Variants in CDH4 observed in about 807,000 individuals in gnomAD.
CDH4 encodes the protein cadherin 4.
In CDH4, 33 loss-of-function variants were observed where a neutral mutation model predicts 86.0. The observed-to-expected ratio is 0.38, with a 90% confidence interval of 0.29 to 0.51. The LOEUF (loss-of-function observed/expected upper bound fraction) is 0.51. Among genes scored for constraint, CDH4 ranks in the 20% least tolerant of loss-of-function variants. The pLI, the probability that CDH4 is intolerant of heterozygous loss-of-function variation, is 0.86. For missense variants in CDH4, 1,114 were observed against 1,307.4 expected (o/e 0.85, Z 2.28); for synonymous variants, 555 against 549.4 (o/e 1.01, Z -0.14).
At chr20:61,302,943 G>A (rs1232201018) in intron 2 of CDH4, among the ~76,000 whole-genome samples, 1 of 152,170 alleles carries the variant, frequency 6.6e-6, no homozygotes, top group Admixed American at 6.5e-5. Context: ...TGTGAAAGAG[G>A]CCATGAGCCC....
chr20:61,700,280 C>T (rs1297114194), intron 2 of CDH4, among the ~76,000 whole-genome samples: 2 of 152,186 alleles, frequency 1.3e-5, no homozygotes, highest in Admixed American at 6.5e-5. Context: ...CGCTCAGCAT[C>T]GACAGGGAAG....
At chr20:61,778,064 A>T (rs759994711) in intron 4 of CDH4, among the ~76,000 whole-genome samples, 2 of 152,200 alleles carry the variant, frequency 1.3e-5, no homozygotes, top group South Asian at 2.1e-4. Context: ...CTACACGTTC[A>T]TGTTTGCCAC....
intron 2 of CDH4, among the ~76,000 whole-genome samples, chr20:61,574,092 A>ACCAGCTGGCC (rs1471976279): frequency 1.3e-5 from 2 of 152,058 alleles, no homozygotes; most frequent in African/African-American, 4.8e-5. Context: ...GAACCCATTC[A>ACCAGCTGGCC]CCAGCTGGCC....
rs1245045032 is a variant in CDH4, at chr20:61,663,770, C to T, written c.170-79793C>T. Among the ~76,000 whole-genome samples the T allele has an allele frequency of 1.3e-5, 2 of 152,124 alleles. No individual in the cohort carries two copies. The highest frequency in any genetic ancestry group is 2.1e-4 in the South Asian group (1 of 4,828). ...GGGGTCGGGGGAAGATCAGGAGCTC[C>T]CGGTGTCCAGGCTGCACAATGTGGG... On this transcript the variant is annotated intron_variant, in intron 2 of 15. Transcript: ENST00000614565. The surrounding 1 kb of genome is among the most constrained non-coding windows in gnomAD (Gnocchi z 5.0).
chr20:61,306,407 G>A (rs547731692), intron 2 of CDH4, among the ~76,000 whole-genome samples: 7 of 151,894 alleles, frequency 4.6e-5, no homozygotes, highest in Non-Finnish European at 7.4e-5. Flanking sequence ...GCACGATCTC[G>A]GCTCACTGCA....
At chr20:61,256,528 T>C (rs2056114064) in intron 2 of CDH4, among the ~76,000 whole-genome samples, 1 of 152,250 alleles carries the variant, frequency 6.6e-6, no homozygotes, top group African/African-American at 2.4e-5. Flanking sequence ...CAAACCGTGC[T>C]GTGCTCTTGA....
chr20:61,291,325 A>C (rs1272203020), intron 2 of CDH4, among the ~76,000 whole-genome samples: 1 of 152,240 alleles, frequency 6.6e-6, no homozygotes, highest in Non-Finnish European at 1.5e-5. Flanking sequence ...GGCGGGTCCC[A>C]TATCCGGTGA....
At chr20:61,570,860 G>A (rs777281680) in intron 2 of CDH4, 4 of 693,222 alleles carry the variant, frequency 5.8e-6, no homozygotes, top group Middle Eastern at 2.6e-4. Flanking sequence ...GTTGCGTTTG[G>A]ATGTGTAGTG....
At chr20:61,428,060 G>T (rs967909438) in intron 2 of CDH4, among the ~76,000 whole-genome samples, 1 of 152,134 alleles carries the variant, frequency 6.6e-6, no homozygotes, top group Non-Finnish European at 1.5e-5. Flanking sequence ...CTCCTAGGTC[G>T]CACCCTTTCC....
chr20:61,575,591 C>T (rs2086377325), intron 2 of CDH4, among the ~76,000 whole-genome samples: 2 of 152,252 alleles, frequency 1.3e-5, no homozygotes, highest in African/African-American at 2.4e-5. Flanking sequence ...GCTTAGCAAC[C>T]TGGCACACAC....
At chr20:61,609,113 G>A (rs530145529) in intron 2 of CDH4, among the ~76,000 whole-genome samples, 1 of 152,340 alleles carries the variant, frequency 6.6e-6, no homozygotes, top group Admixed American at 6.5e-5. Flanking sequence ...CATGTGTTTA[G>A]GGTATACGAA....
intron 2 of CDH4, among the ~76,000 whole-genome samples, chr20:61,257,808 C>T (rs905629867): frequency 6.6e-6 from 1 of 152,232 alleles, no homozygotes; most frequent in Admixed American, 6.5e-5. Flanking sequence ...ACCTGCATTG[C>T]TCTCCCGCGT....
intron 2 of CDH4, among the ~76,000 whole-genome samples, chr20:61,733,359 C>A (rs1356356524): frequency 6.6e-6 from 1 of 152,166 alleles, no homozygotes; most frequent in South Asian, 2.1e-4. Flanking sequence ...AGCCGCCGCT[C>A]CCAGTGGTTC....
intron 2 of CDH4, among the ~76,000 whole-genome samples, chr20:61,502,662 C>T (rs556302568): frequency 1.3e-5 from 2 of 152,288 alleles, no homozygotes; most frequent in East Asian, 3.9e-4. Flanking sequence ...TAGCTGTGAG[C>T]TTCCTGGCGT....
chr20:61,496,549 G>A (rs2085664347), intron 2 of CDH4, among the ~76,000 whole-genome samples: 1 of 152,120 alleles, frequency 6.6e-6, no homozygotes. Context: ...AAACACTTCT[G>A]TGTGTATCTC....
chr20:61,252,648 C>T lies in CDH4; in HGVS notation c.57+78C>T. 1.1e-6 allele frequency: 1 copy of T among 878,276 alleles called. No individual in the cohort carries two copies. 54.4% of individuals were successfully genotyped at this position (878,276 alleles called of 1,614,324 possible). On this transcript the variant is annotated intron_variant, in intron 1 of 15. Transcript: ENST00000614565. The surrounding 1 kb of genome is among the most constrained non-coding windows in gnomAD (Gnocchi z 4.4). ...TCGTCCCCGGATCCCGCGGGGCGCT[C>T]ACACACCCGGCGGGGCTCTCCCGGG...
In CDH4 at chr20:61,783,751, GA is replaced by G. The variant is rs570498202; in HGVS notation, c.576+10572del. On this transcript the variant is annotated intron_variant, in intron 4 of 15. Coordinates refer to ENST00000614565, the MANE Select transcript of CDH4 (RefSeq NM_001794.5). ...CCTCAGATGTCCTGTGCCCCCGGGAGAAATGTAAGCCTAGTTCCTCGGGACA... is the reference window on the plus strand; with the variant it reads ...CCTCAGATGTCCTGTGCCCCCGGGAGAATGTAAGCCTAGTTCCTCGGGACA... Among the ~76,000 whole-genome samples, 43 of 117,466 alleles carry G rather than the reference GA, an allele frequency of 3.7e-4. 3 individuals are homozygous for G. Among genetic ancestry groups the G allele is most frequent in the African/African-American group, 9.6e-4 (31 of 32,222 alleles). The allele number at this position is 117,466 out of a possible 152,430, so 77.1% of individuals were successfully genotyped here.
chr20:61,426,940 T>C (rs1029662131), intron 2 of CDH4, among the ~76,000 whole-genome samples: 3 of 152,244 alleles, frequency 2.0e-5, no homozygotes, highest in Admixed American at 6.5e-5. Context: ...TTGTTAGTAA[T>C]TTTTTGTGAT....
intron 2 of CDH4, among the ~76,000 whole-genome samples, chr20:61,428,571 T>G (rs552369638): frequency 6.6e-6 from 1 of 152,324 alleles, no homozygotes; most frequent in East Asian, 1.9e-4. Flanking sequence ...TGGAATACTA[T>G]GCAGTGTTCA....
Sources: allele counts gnomAD v4.1 joint callset (sites outside exome capture counted in the v4.1 genomes callset), GRCh38; gene constraint gnomAD v4.1.1; non-coding constraint Gnocchi (gnomAD v3.1); transcripts MANE v1.5; gene names NCBI Gene and HGNC (gene_info 2026-07-23, HGNC 2026-07-21).